The following ARGFX variants were observed in gnomAD, a reference collection of about 807,000 sequenced individuals.
The protein encoded by ARGFX is arginine-fifty homeobox.
Under a neutral mutation model 8.0 loss-of-function variants are expected in ARGFX, and 10 were observed. The observed-to-expected ratio is 1.25, with a 90% CI of 0.77 to 2.12. ARGFX has a LOEUF of 2.12. Ranked by LOEUF, ARGFX falls within the 30% of genes most tolerant of loss-of-function variation. The pLI is 0.00. For missense variants in ARGFX, 282 were observed against 324.3 expected (o/e 0.87, Z 1.00); for synonymous variants, 116 against 117.8 (o/e 0.98, Z 0.10).
rs761584944 is a variant in ARGFX, at chr3:121,590,276, C to T, written c.*3676C>T. On this transcript the variant is annotated 3_prime_UTR_variant, in exon 5 of 5. Transcript: ENST00000334384. ...ATGAATGTGTCCCCCACAGCTCATGCGTTGGAAACTTAATCCCCAAAGCAA... is the reference window on the plus strand; with the variant it reads ...ATGAATGTGTCCCCCACAGCTCATGTGTTGGAAACTTAATCCCCAAAGCAA... 9.9e-5 allele frequency among the ~76,000 whole-genome samples: 15 copies of T among 152,166 alleles called. No individual in the cohort carries two copies. Among genetic ancestry groups the T allele is most frequent in the East Asian group, 3.8e-4 (2 of 5,204 alleles).
rs1276607260 is a variant in ARGFX, at chr3:121,587,292, T to C, written c.*692T>C. Among the ~76,000 whole-genome samples, 2 of 152,002 alleles carry C rather than the reference T, an allele frequency of 1.3e-5. No homozygotes were observed. The highest frequency in any genetic ancestry group is 2.9e-5 in the Non-Finnish European group (2 of 68,004). On this transcript the variant is annotated 3_prime_UTR_variant, in exon 5 of 5. Coordinates refer to ENST00000334384, the MANE Select transcript of ARGFX (RefSeq NM_001012659.2). ...GTCTTGAACTCCTGACCTCCAGTGA[T>C]CCGCCTGCCTTGACCTCCCAAAGTG...
intron 2 of ARGFX, among the ~76,000 whole-genome samples, chr3:121,575,093 G>A (rs1372965696): frequency 6.6e-6 from 1 of 152,180 alleles, no homozygotes; most frequent in Non-Finnish European, 1.5e-5. Context: ...GCCGAGGCAG[G>A]CGGATCACAG....
chr3:121,573,404 T>C (rs1480188598), intron 2 of ARGFX, among the ~76,000 whole-genome samples: 1 of 151,100 alleles, frequency 6.6e-6, no homozygotes, highest in African/African-American at 2.4e-5. Context: ...TCGCTTGAAC[T>C]TGGGAGACAG....
At chr3:121,574,099 T>C (rs1393920358) in intron 2 of ARGFX, among the ~76,000 whole-genome samples, 2 of 152,106 alleles carry the variant, frequency 1.3e-5, no homozygotes, top group Non-Finnish European at 2.9e-5. Context: ...AACAGTATGA[T>C]GGTACCTCAA....
intron 3 of ARGFX, among the ~76,000 whole-genome samples, chr3:121,583,762 T>C (rs1216285005): frequency 6.6e-6 from 1 of 151,988 alleles, no homozygotes; most frequent in Non-Finnish European, 1.5e-5. Flanking sequence ...CCTCCAGTCA[T>C]GTGATGCTCT....
rs1329805040 is a variant in ARGFX, at chr3:121,588,076, C to T, written c.*1476C>T. On this transcript the variant is annotated 3_prime_UTR_variant, in exon 5 of 5. Coordinates refer to ENST00000334384, the MANE Select transcript of ARGFX (RefSeq NM_001012659.2). The stretch of plus-strand genomic sequence containing the variant: ...TGAGATGATAAACTTGCAAAACTCA[C>T]AAAATAAAGAGTCAAACTTTTAGAA... 6.6e-6 allele frequency among the ~76,000 whole-genome samples: 1 copy of T among 151,778 alleles called. No homozygotes were observed. Among genetic ancestry groups the T allele is most frequent in the East Asian group, 1.9e-4 (1 of 5,190 alleles).
chr3:121,577,252 TATATATA>T lies in ARGFX; in HGVS notation c.220+353_220+359del, dbSNP rs1178842743. ...ATATATATATATATATATATATATA[TATATATA>T]TTTTTTTTTTTTTAAATGGAGTCTC... On this transcript the variant is annotated intron_variant, in intron 3 of 4. Coordinates refer to ENST00000334384, the MANE Select transcript of ARGFX (RefSeq NM_001012659.2). 5.6e-4 allele frequency among the ~76,000 whole-genome samples: 30 copies of T among 53,982 alleles called. 1 individual carries two copies. The highest frequency in any genetic ancestry group is 6.4e-4 in the East Asian group (1 of 1,564). 35.4% of individuals were successfully genotyped at this position (53,982 alleles called of 152,430 possible). A position where few individuals can be genotyped will look rare whatever the true frequency, so the allele number is the denominator to read the frequency against.
chr3:121,580,607 T>TATA (rs752440443), intron 3 of ARGFX, among the ~76,000 whole-genome samples: 8,264 of 96,276 alleles, frequency 0.086, 498 homozygotes, highest in Admixed American at 0.21. Context: ...TATATATATA[T>TATA]TTTTTTTTTT....
intron 2 of ARGFX, among the ~76,000 whole-genome samples, chr3:121,571,968 A>C (rs898070588): frequency 3.3e-5 from 5 of 151,422 alleles, no homozygotes; most frequent in Non-Finnish European, 7.4e-5. Flanking sequence ...AGCTGGGATT[A>C]CAGGCATGTG....
chr3:121,572,128 G>A (rs977750401), intron 2 of ARGFX, among the ~76,000 whole-genome samples: 1 of 151,686 alleles, frequency 6.6e-6, no homozygotes, highest in African/African-American at 2.4e-5. Flanking sequence ...CACCACACCC[G>A]GCTGACTCCT....
At chr3:121,584,833 T>A in intron 3 of ARGFX, 84 bp from the exon 4 acceptor site, 2 of 1,469,504 alleles carry the variant, frequency 1.4e-6, no homozygotes, top group South Asian at 1.3e-5. Flanking sequence ...CATGGTGATT[T>A]GTTTTTTGGT....
intron 2 of ARGFX, among the ~76,000 whole-genome samples, chr3:121,574,196 G>A (rs751963215): frequency 6.6e-6 from 1 of 152,086 alleles, no homozygotes; most frequent in Non-Finnish European, 1.5e-5. Flanking sequence ...TTACTGAAAG[G>A]TATGAAAAGC....
At chr3:121,579,752 T>A (rs1218563229) in intron 3 of ARGFX, among the ~76,000 whole-genome samples, 5 of 152,090 alleles carry the variant, frequency 3.3e-5, no homozygotes, top group African/African-American at 1.2e-4. Flanking sequence ...TCCCAGCTAC[T>A]GTGAAGGCTG....
At chr3:121,573,332 T>C (rs1271177894) in intron 2 of ARGFX, among the ~76,000 whole-genome samples, 1 of 151,460 alleles carries the variant, frequency 6.6e-6, no homozygotes, top group African/African-American at 2.4e-5. Context: ...AATACAAAAA[T>C]TAGCCAGGCG....
chr3:121,577,479 C>T (rs61796958), intron 3 of ARGFX, among the ~76,000 whole-genome samples: 19,595 of 150,704 alleles, frequency 0.13, 1,357 homozygotes, highest in African/African-American at 0.14. Context: ...GTCTTGAACT[C>T]GTGACCTCAA....
At chr3:121,579,906 T>C (rs1031110529) in intron 3 of ARGFX, among the ~76,000 whole-genome samples, 3 of 151,118 alleles carry the variant, frequency 2.0e-5, no homozygotes, top group African/African-American at 7.3e-5. Flanking sequence ...ATCAAATTTA[T>C]ATTTTCTTTC....
In ARGFX at chr3:121,589,356, T is replaced by A. The variant is rs1301380424; in HGVS notation, c.*2756T>A. On this transcript the variant is annotated 3_prime_UTR_variant, in exon 5 of 5. Transcript: ENST00000334384. ...AGCTTTACATAGGAAGGAAGTGGCA[T>A]AGTTTTATCAATATCTGTCAAATTA... is the stretch of plus-strand genomic sequence containing the variant. Among the ~76,000 whole-genome samples the A allele has an allele frequency of 6.6e-6, 1 of 152,180 alleles. No individual in the cohort carries two copies. The highest frequency in any genetic ancestry group is 2.4e-5 in the African/African-American group (1 of 41,444).
At chr3:121,582,527 G>A (rs955608025) in intron 3 of ARGFX, among the ~76,000 whole-genome samples, 2 of 152,060 alleles carry the variant, frequency 1.3e-5, no homozygotes, top group African/African-American at 2.4e-5. Flanking sequence ...TTAGAAATAT[G>A]TACATTTAAA....
rs181700331 is a variant in ARGFX at position 121,589,893 on chromosome 3, G to A, written c.*3293G>A. ...ACATTCTCAATAATTGATAATAACA[G>A]TCCAAAGAAAGCAGAAAGAAGGAAA... On this transcript the variant is annotated 3_prime_UTR_variant, in exon 5 of 5. Transcript: ENST00000334384. Among the ~76,000 whole-genome samples, 13 of 151,878 alleles carry A rather than the reference G, an allele frequency of 8.6e-5. No homozygotes were observed. In the East Asian group the frequency reaches 2.5e-3, roughly 29 times the overall value.
Sources: allele counts gnomAD v4.1 joint callset (sites outside exome capture counted in the v4.1 genomes callset), GRCh38; gene constraint gnomAD v4.1.1; transcripts MANE v1.5; gene names NCBI Gene and HGNC (gene_info 2026-07-23, HGNC 2026-07-21).